The following PCDHGC4 variants were observed in gnomAD, a reference collection of about 807,000 sequenced individuals.
PCDHGC4 encodes protocadherin gamma-C4.
A neutral mutation model predicts 59.7 loss-of-function variants in PCDHGC4; 15 were observed. That is an observed-to-expected ratio of 0.25 (90% CI 0.17 to 0.39). The LOEUF (loss-of-function observed/expected upper bound fraction) is 0.39. Among genes scored for constraint, PCDHGC4 ranks in the 10% least tolerant of loss-of-function variants. PCDHGC4 has a pLI of 1.00. For missense variants in PCDHGC4, 1,016 were observed against 1,189.5 expected, an observed-to-expected ratio of 0.85 and a Z score of 2.15; for synonymous variants, 434 against 481.4, an observed-to-expected ratio of 0.90 and a Z score of 1.29.
chr5:141,495,434 G>A (rs1038100521), intron 2 of PCDHGC4, among the ~76,000 whole-genome samples: 2 of 152,196 alleles, frequency 1.3e-5, no homozygotes, highest in Non-Finnish European at 2.9e-5. Flanking sequence ...ACTGTCCTCT[G>A]CCCCTACTTG....
At chr5:141,507,865 T>C (rs2099864402) in intron 3 of PCDHGC4, among the ~76,000 whole-genome samples, 1 of 152,128 alleles carries the variant, frequency 6.6e-6, no homozygotes. Context: ...CACACCCGCT[T>C]CCTAGCCCTG....
In PCDHGC4 at chr5:141,511,358, G is replaced by GT; in HGVS notation, c.*187dup. 1 of 1,355,398 alleles carries GT rather than the reference G, an allele frequency of 7.4e-7. No homozygotes were observed. Among genetic ancestry groups the GT allele is most frequent in the South Asian group, 1.5e-5 (1 of 66,198 alleles). 84.0% of individuals were successfully genotyped at this position (1,355,398 alleles called of 1,614,324 possible). On this transcript the variant is annotated 3_prime_UTR_variant, in exon 4 of 4. Transcript: ENST00000306593. ...GCACCTACCCCTTCCCCCCCAGGGG[G>GT]TTGAATATGCAAAAGCAGTTCCGCT...
Position 141,485,855 on chromosome 5 carries a change from C to A in PCDHGC4, c.682C>A (p.Leu228Ile). ...GNPPRSGTAE[L>I]RVSVLDVNDN... ...CCCGCCGAGATCTGGCACCGCAGAG[C>A]TCCGGGTATCCGTGCTGGACGTAAA... The change falls in exon 1 of 4, where the codon CTC becomes ATC. Residue 228 changes from leucine to isoleucine, a missense_variant. By Grantham distance (5) the Leu-to-Ile change is conservative (BLOSUM62 2). Transcript: ENST00000306593. The surrounding 1 kb of genome is among the most constrained non-coding windows in gnomAD (Gnocchi z 5.7). 6.2e-7 allele frequency: 1 copy of A among 1,614,196 alleles called. No homozygotes were observed. Among genetic ancestry groups the A allele is most frequent in the Non-Finnish European group, 8.5e-7 (1 of 1,180,036 alleles).
At chr5:141,494,099 C>T (rs976610819) in intron 1 of PCDHGC4, among the ~76,000 whole-genome samples, 3 of 152,172 alleles carry the variant, frequency 2.0e-5, no homozygotes, top group South Asian at 2.1e-4. Context: ...CATTTTTCTC[C>T]GTCTCAGACA....
intron 2 of PCDHGC4, among the ~76,000 whole-genome samples, chr5:141,496,347 T>C (rs1168306693): frequency 6.6e-6 from 1 of 152,198 alleles, no homozygotes; most frequent in Non-Finnish European, 1.5e-5. Context: ...TGGAGGAGTC[T>C]CAGAGCCCAG....
At position 141,487,688 on chromosome 5, in the gene PCDHGC4, G is replaced by A. The variant is rs376927186; in HGVS notation, c.2442+73G>A. On this transcript the variant is annotated intron_variant, in intron 1 of 3. Coordinates refer to ENST00000306593, the MANE Select transcript of PCDHGC4 (RefSeq NM_018928.3). The surrounding 1 kb of genome is among the most constrained non-coding windows in gnomAD (Gnocchi z 5.0). ...AGGCATATGGCTAGGCCATGTCCTA[G>A]AGAGTACTGGCCTCTCAGTAAGTGC... 6.2e-7 allele frequency: 1 copy of A among 1,604,966 alleles called. No homozygotes were observed.
chr5:141,494,316 G>T (rs2099753509), intron 1 of PCDHGC4, among the ~76,000 whole-genome samples: 1 of 152,172 alleles, frequency 6.6e-6, no homozygotes, highest in Admixed American at 6.5e-5. Flanking sequence ...TGCACAACCT[G>T]GCACCAAAAG....
At chr5:141,506,103 C>T (rs1001709380) in intron 3 of PCDHGC4, among the ~76,000 whole-genome samples, 2 of 152,144 alleles carry the variant, frequency 1.3e-5, no homozygotes, top group Admixed American at 1.3e-4. Context: ...GTGGTTGTCC[C>T]TGAAGAGTCA....
At position 141,491,798 on chromosome 5, in the gene PCDHGC4, G is replaced by A. The variant is rs1269524283; in HGVS notation, c.2443-3009G>A. 1 of 1,506,648 alleles carries A rather than the reference G, an allele frequency of 6.6e-7. No homozygotes were observed. The highest frequency in any genetic ancestry group is 8.9e-7 in the Non-Finnish European group (1 of 1,128,050). The allele number at this position is 1,506,648 out of a possible 1,614,324, so 93.3% of individuals were successfully genotyped here. ...TTGAACTTGCATCCACTCCTCTCCG[G>A]CCGGCTTGGTCGCTGGCTGCGCTCC... On this transcript the variant is annotated intron_variant, in intron 1 of 3. Coordinates refer to ENST00000306593, the MANE Select transcript of PCDHGC4 (RefSeq NM_018928.3). This position sits in a 1 kb window ranked among gnomAD's most constrained non-coding sequence, Gnocchi z 6.9.
Position 141,489,463 on chromosome 5 carries a change from T to C in PCDHGC4, c.2442+1848T>C. ...GGGCTCTGAGGAGAATGGGCGCTAT[T>C]TTTCCCTGAGCTTGATGAGTGGTGC... On this transcript the variant is annotated intron_variant, in intron 1 of 3. Transcript: ENST00000306593. This position sits in a 1 kb window ranked among gnomAD's most constrained non-coding sequence, Gnocchi z 4.5. 6.2e-7 allele frequency: 1 copy of C among 1,614,050 alleles called. No individual in the cohort carries two copies. The highest frequency in any genetic ancestry group is 8.5e-7 in the Non-Finnish European group (1 of 1,180,002).
At chr5:141,494,965 C>T in intron 2 of PCDHGC4, 100 bp downstream of exon 2, 1 of 1,592,636 alleles carries the variant, frequency 6.3e-7, no homozygotes, top group Non-Finnish European at 8.6e-7. Context: ...CTACAGATGG[C>T]TTCTCCCTCA....
rs1041367498 is a variant in PCDHGC4 at position 141,489,060 on chromosome 5, T to G, written c.2442+1445T>G. ...CAGCTCCACTCAAATTCAGCTCCCCTCCCCCCTGCCCACCCCCGCCACTCG... is the reference window on the plus strand; with the variant it reads ...CAGCTCCACTCAAATTCAGCTCCCCGCCCCCCTGCCCACCCCCGCCACTCG... On this transcript the variant is annotated intron_variant, in intron 1 of 3. Transcript: ENST00000306593. This position sits in a 1 kb window ranked among gnomAD's most constrained non-coding sequence, Gnocchi z 4.5. The G allele has an allele frequency of 1.7e-5, 5 of 300,224 alleles. No individual in the cohort carries two copies. The highest frequency in any genetic ancestry group is 2.4e-5 in the African/African-American group (1 of 42,484). The allele number at this position is 300,224 out of a possible 1,614,324, so 18.6% of individuals were successfully genotyped here.
Position 141,493,701 on chromosome 5 carries a change from C to G in PCDHGC4, c.2443-1106C>G, listed in dbSNP as rs2099749680. 6.6e-6 allele frequency among the ~76,000 whole-genome samples: 1 copy of G among 152,172 alleles called. No homozygotes were observed. Among genetic ancestry groups the G allele is most frequent in the Admixed American group, 6.5e-5 (1 of 15,286 alleles). On this transcript the variant is annotated intron_variant, in intron 1 of 3. Coordinates refer to ENST00000306593, the MANE Select transcript of PCDHGC4 (RefSeq NM_018928.3). This position sits in a 1 kb window ranked among gnomAD's most constrained non-coding sequence, Gnocchi z 4.3. Reference sequence around the variant, plus strand: ...ATGGTGCTGGTGACTCCCGATACACCTGGAATGCTAGGTTTCTGGGTTCTG... The same window carrying G: ...ATGGTGCTGGTGACTCCCGATACACGTGGAATGCTAGGTTTCTGGGTTCTG...
At chr5:141,505,666 G>T (rs904221281) in intron 3 of PCDHGC4, among the ~76,000 whole-genome samples, 185 bp downstream of exon 3, 3 of 152,180 alleles carry the variant, frequency 2.0e-5, no homozygotes, top group Non-Finnish European at 4.4e-5. Context: ...ACAGCAGAGG[G>T]GTTGGGGGTC....
chr5:141,494,937 G>C (rs759078748), intron 2 of PCDHGC4, 72 bp downstream of exon 2: 1 of 1,612,276 alleles, frequency 6.2e-7, no homozygotes, highest in African/African-American at 1.3e-5. Flanking sequence ...GAGGAGATGG[G>C]GGAGGGCCCA....
intron 2 of PCDHGC4, among the ~76,000 whole-genome samples, chr5:141,501,536 G>A (rs570102957): frequency 5.9e-5 from 9 of 152,054 alleles, no homozygotes; most frequent in African/African-American, 2.2e-4. Context: ...GTACGTTGTT[G>A]TGCATAAGAT....
rs759220286 is a variant in PCDHGC4 at position 141,490,018 on chromosome 5, C to G, written c.2442+2403C>G. The G allele has an allele frequency of 6.2e-7, 1 of 1,614,252 alleles. No individual in the cohort carries two copies. Among genetic ancestry groups the G allele is most frequent in the Non-Finnish European group, 8.5e-7 (1 of 1,180,038 alleles). ...CCCAGAGAATGCACCCATTGGTACTCTGCTGCTCCGCCTCAATGCCACTGA... is the reference window on the plus strand; with the variant it reads ...CCCAGAGAATGCACCCATTGGTACTGTGCTGCTCCGCCTCAATGCCACTGA... On this transcript the variant is annotated intron_variant, in intron 1 of 3. Transcript: ENST00000306593. This position sits in a 1 kb window ranked among gnomAD's most constrained non-coding sequence, Gnocchi z 5.4.
Position 141,490,027 on chromosome 5 carries a change from CG to C in PCDHGC4, c.2442+2413del. The C allele has an allele frequency of 6.2e-7, 1 of 1,614,214 alleles. No individual in the cohort carries two copies. Among genetic ancestry groups the C allele is most frequent in the Admixed American group, 1.7e-5 (1 of 60,032 alleles). On this transcript the variant is annotated intron_variant, in intron 1 of 3. Transcript: ENST00000306593. The surrounding 1 kb of genome is among the most constrained non-coding windows in gnomAD (Gnocchi z 5.4). Reference sequence around the variant, plus strand: ...TGCACCCATTGGTACTCTGCTGCTCCGCCTCAATGCCACTGATCCAGACGAG... The same window carrying C: ...TGCACCCATTGGTACTCTGCTGCTCCCCTCAATGCCACTGATCCAGACGAG...
intron 1 of PCDHGC4, among the ~76,000 whole-genome samples, chr5:141,494,512 C>T (rs2154591503): frequency 6.6e-6 from 1 of 152,276 alleles, no homozygotes; most frequent in Middle Eastern, 3.4e-3. Context: ...AATTTTGGCT[C>T]AGGAGTTCTG....
Sources: allele counts gnomAD v4.1 joint callset (sites outside exome capture counted in the v4.1 genomes callset), GRCh38; gene constraint gnomAD v4.1.1; non-coding constraint Gnocchi (gnomAD v3.1); transcripts MANE v1.5; gene names NCBI Gene and HGNC (gene_info 2026-07-23, HGNC 2026-07-21).